MAP7D2: variants seen among roughly 807,000 people sequenced by gnomAD.
The protein encoded by MAP7D2 is MAP7 domain containing 2.
MAP7D2 carries 33 observed loss-of-function variants against 63.5 expected under a neutral mutation model. That is an observed-to-expected ratio of 0.52 (90% CI 0.39 to 0.70). The LOEUF (loss-of-function observed/expected upper bound fraction) is 0.70. Ranked by LOEUF, MAP7D2 falls within the 30% of genes least tolerant of loss-of-function variation. The pLI is 0.00. For synonymous variants in MAP7D2, 224 were observed against 223.7 expected (o/e 1.00, Z -0.01); for missense variants, 626 against 604.0 (o/e 1.04, Z -0.38).
At chrX:20,041,039 A>G (rs928915769) in intron 8 of MAP7D2, among the ~76,000 whole-genome samples, 1 of 112,089 alleles carries the variant, frequency 8.9e-6, no homozygotes, top group African/African-American at 3.2e-5. Context: ...ACCATTTACA[A>G]TAATAATGAT....
At chrX:20,047,517 CAG>C (rs1169383345) in intron 6 of MAP7D2, among the ~76,000 whole-genome samples, 3 of 110,628 alleles carry the variant, frequency 2.7e-5, no homozygotes, top group African/African-American at 9.9e-5. Context: ...CTGCCTCAAA[CAG>C]ACCTTTCTAA....
chrX:20,025,150 C>T, intron 9 of MAP7D2, 67 bp from the exon 10 acceptor site: 2 of 1,111,894 alleles, frequency 1.8e-6, no homozygotes, highest in South Asian at 2.2e-5. Flanking sequence ...TCCACTCACA[C>T]AGCAGCTGCC....
At chrX:20,107,707 A>C (rs761900628) in intron 1 of MAP7D2, among the ~76,000 whole-genome samples, 2 of 111,930 alleles carry the variant, frequency 1.8e-5, no homozygotes, top group South Asian at 7.4e-4. Flanking sequence ...TTAAGATTAC[A>C]TATGTGGCTA....
intron 1 of MAP7D2, 114 bp downstream of exon 1, chrX:20,116,636 T>C (rs916648155): frequency 6.8e-6 from 7 of 1,028,967 alleles, no homozygotes; most frequent in Middle Eastern, 6.8e-4. Context: ...TTATCTCAGC[T>C]CTGCGCCGTG....
chrX:20,087,210 G>T (rs1291502821), intron 1 of MAP7D2, among the ~76,000 whole-genome samples: 1 of 112,239 alleles, frequency 8.9e-6, no homozygotes, highest in Non-Finnish European at 1.9e-5. Context: ...GCTATAGTCT[G>T]GATAACTGAC....
At chrX:20,089,677 T>C (rs936662130) in intron 1 of MAP7D2, among the ~76,000 whole-genome samples, 3 of 112,503 alleles carry the variant, frequency 2.7e-5, no homozygotes, top group Non-Finnish European at 5.6e-5. Context: ...CTAGATGTCA[T>C]TCCCTTGGAG....
rs1569513395 is a variant in MAP7D2 at position 20,010,903 on chromosome X, T to C, written c.2222A>G (p.Lys741Arg). Residue 741 changes from lysine (K) to arginine (R), a missense_variant, in exon 16 of 17, where the codon AAG (lysine) becomes AGG (arginine). Coordinates refer to ENST00000379643, the MANE Select transcript of MAP7D2 (RefSeq NM_001168465.2). ...LDFTGPPTFP[K>R]RSSENLSLDD... ...CAGGCTGAGATTTTCACTGGATCTC[T>C]TGGGGAATGTCGGGGGACCAGTGAA... is the stretch of plus-strand genomic sequence containing the variant. The C allele has an allele frequency of 8.3e-7, 1 of 1,211,429 alleles. No homozygotes were observed. The highest frequency in any genetic ancestry group is 2.2e-5 in the Admixed American group (1 of 46,010).
At chrX:20,014,010 G>A (rs1430229498) in intron 12 of MAP7D2, among the ~76,000 whole-genome samples, 1 of 112,097 alleles carries the variant, frequency 8.9e-6, no homozygotes. Context: ...CTGGTCTCCT[G>A]GATCCCAGGC....
At position 20,046,283 on chromosome X, in the gene MAP7D2, G is replaced by A. The variant is rs552186916; in HGVS notation, c.719-1759C>T. On this transcript the variant is annotated intron_variant, in intron 6 of 16. Transcript: ENST00000379643. Reference sequence around the variant, plus strand: ...GTCACATACAAGTGCCCACAAGACAGGGCTTGTTCTCTGATGGGACCATCC... The same window carrying A: ...GTCACATACAAGTGCCCACAAGACAAGGCTTGTTCTCTGATGGGACCATCC... 5.3e-4 allele frequency among the ~76,000 whole-genome samples: 60 copies of A among 112,178 alleles called. 1 individual carries two copies. The South Asian group carries it at 0.022, about 42-fold the overall frequency.
rs755752645 is a variant in MAP7D2, at chrX:20,111,517, C to T, written c.130+5233G>A. ...CCCACAGACTTCTAGGCAATTGCAA[C>T]GCGTGTCTGCACCAAAGGCTGAAGA... On this transcript the variant is annotated intron_variant, in intron 1 of 16. Coordinates refer to ENST00000379643, the MANE Select transcript of MAP7D2 (RefSeq NM_001168465.2). Among the ~76,000 whole-genome samples the T allele has an allele frequency of 1.3e-4, 15 of 111,328 alleles. No homozygotes were observed. In the South Asian group the frequency reaches 5.0e-3, roughly 37 times the overall value.
chrX:20,010,915 G>T lies in MAP7D2; in HGVS notation c.2210C>A (p.Pro737Gln), dbSNP rs1397234559. Residue 737 changes from proline to glutamine, a missense_variant, in exon 16 of 17, where the codon CCG becomes CAG. Coordinates refer to ENST00000379643, the MANE Select transcript of MAP7D2 (RefSeq NM_001168465.2). The stretch of plus-strand genomic sequence containing the variant: ...TTCACTGGATCTCTTGGGGAATGTC[G>T]GGGGACCAGTGAAATCTAAGAGATC... ...LQDLLDFTGP[P>Q]TFPKRSSENL... is the part of the protein sequence containing the mutation. 1 of 1,209,089 alleles carries T rather than the reference G, an allele frequency of 8.3e-7. No individual in the cohort carries two copies. Among genetic ancestry groups the T allele is most frequent in the Non-Finnish European group, 1.1e-6 (1 of 895,008 alleles).
At chrX:20,105,559 T>C (rs2066544426) in intron 1 of MAP7D2, among the ~76,000 whole-genome samples, 1 of 111,815 alleles carries the variant, frequency 8.9e-6, no homozygotes, top group African/African-American at 3.3e-5. Context: ...TGTTTAATGG[T>C]GTAGTTCCCA....
intron 1 of MAP7D2, among the ~76,000 whole-genome samples, chrX:20,073,045 C>A (rs1288403432): frequency 1.8e-5 from 2 of 109,834 alleles, no homozygotes; most frequent in African/African-American, 6.6e-5. Context: ...TGTAGTGCTC[C>A]CCCCCACCCC....
At position 20,109,367 on chromosome X, in the gene MAP7D2, A is replaced by G. The variant is rs191676941; in HGVS notation, c.130+7383T>C. ...AAACCCCATCTTTACTAAAAGTACA[A>G]AAATTAGCCGGGCATGGTGGTGCAC... On this transcript the variant is annotated intron_variant, in intron 1 of 16. Transcript: ENST00000379643. Among the ~76,000 whole-genome samples, 16 of 108,747 alleles carry G rather than the reference A, an allele frequency of 1.5e-4. No homozygotes were observed. The East Asian group carries it at 3.8e-3, about 26-fold the overall frequency. 94.4% of individuals were successfully genotyped at this position (108,747 alleles called of 115,157 possible).
intron 1 of MAP7D2, among the ~76,000 whole-genome samples, chrX:20,087,880 T>C (rs2065949977): frequency 3.1e-5 from 1 of 31,855 alleles, no homozygotes; most frequent in African/African-American, 2.9e-4. Context: ...ATTTCTTTTC[T>C]TTTTTTTTTT....
intron 1 of MAP7D2, among the ~76,000 whole-genome samples, chrX:20,109,480 A>G (rs374999092): frequency 8.4e-5 from 8 of 95,287 alleles, no homozygotes; most frequent in African/African-American, 3.3e-4. Context: ...AGATCATGCC[A>G]CTGCACTCCA....
intron 3 of MAP7D2, among the ~76,000 whole-genome samples, chrX:20,062,819 A>C (rs1385109081): frequency 8.9e-6 from 1 of 112,295 alleles, no homozygotes; most frequent in Non-Finnish European, 1.9e-5. Context: ...GGAAAGAGCA[A>C]TTAAAGCGAA....
At chrX:20,020,890 C>T (rs1050127876) in intron 10 of MAP7D2, among the ~76,000 whole-genome samples, 3 of 111,995 alleles carry the variant, frequency 2.7e-5, no homozygotes, top group Middle Eastern at 4.2e-3. Context: ...GGTCTCTCTA[C>T]GTTGCCCAGG....
At position 20,063,847 on chromosome X, in the gene MAP7D2, AAGATGATG is replaced by A. The variant is rs1468995890; in HGVS notation, c.209-278_209-271del. Reference sequence around the variant, plus strand: ...CATCACAGTGTTGTTAAGATTGAACAAGATGATGACCGTGAAGTTCACAGTAAGTGCCT... The same window carrying A: ...CATCACAGTGTTGTTAAGATTGAACAACCGTGAAGTTCACAGTAAGTGCCT... On this transcript the variant is annotated intron_variant, in intron 2 of 16. Coordinates refer to ENST00000379643, the MANE Select transcript of MAP7D2 (RefSeq NM_001168465.2). 2.8e-4 allele frequency among the ~76,000 whole-genome samples: 31 copies of A among 112,466 alleles called. No homozygotes were observed. The South Asian group carries it at 7.4e-3, about 27-fold the overall frequency.
Sources: gnomAD v4.1 joint callset for allele counts (sites outside exome capture counted in the v4.1 genomes callset) on GRCh38, gnomAD v4.1.1 for gene constraint, MANE v1.5 for transcripts, NCBI Gene and HGNC (gene_info 2026-07-23, HGNC 2026-07-21) for gene names.